Variants in TPD52 observed in about 807,000 individuals in gnomAD.
The protein encoded by TPD52 is prostate and colon associated protein.
TPD52 carries 17 observed loss-of-function variants against 31.3 expected under a neutral mutation model. The observed-to-expected ratio is 0.54, with a 90% CI of 0.37 to 0.82. TPD52 has a LOEUF of 0.82. TPD52 is among the 40% of genes least tolerant of loss of function. The probability of loss-of-function intolerance (pLI) is 0.00; values close to 1 mark genes in which losing one functional copy is unlikely to be tolerated. For synonymous variants in TPD52, 83 were observed against 89.6 expected (o/e 0.93, Z 0.42); for missense variants, 212 against 240.1 (o/e 0.88, Z 0.77).
At chr8:80,034,407 C>A (rs890327672), downstream of TPD52, among the ~76,000 whole-genome samples, 1 of 152,160 alleles carries the variant, frequency 6.6e-6, no homozygotes, top group Non-Finnish European at 1.5e-5. Context: ...GCCACTTCTG[C>A]AGAGCCTGCA....
At chr8:80,062,595 G>A (rs1586193146) in intron 2 of TPD52, among the ~76,000 whole-genome samples, 1 of 152,258 alleles carries the variant, frequency 6.6e-6, no homozygotes, top group South Asian at 2.1e-4. Flanking sequence ...TGTTGCCAGG[G>A]ATGTGGGGAA....
intron 1 of TPD52, among the ~76,000 whole-genome samples, chr8:80,140,116 G>A (rs991052908): frequency 2.0e-5 from 3 of 152,174 alleles, no homozygotes; most frequent in Middle Eastern, 3.2e-3. Context: ...ACGCTGGTTC[G>A]ATGCCTGCAT....
At chr8:80,063,664 G>A (rs1347840479) in intron 2 of TPD52, among the ~76,000 whole-genome samples, 1 of 151,880 alleles carries the variant, frequency 6.6e-6, no homozygotes, top group African/African-American at 2.4e-5. Flanking sequence ...GAGCACAGTG[G>A]CAGACGCCTG....
At chr8:80,112,435 C>T (rs1471383981) in intron 1 of TPD52, among the ~76,000 whole-genome samples, 1 of 152,194 alleles carries the variant, frequency 6.6e-6, no homozygotes, top group Non-Finnish European at 1.5e-5. Context: ...CTTGCTCTTC[C>T]TCCAAGATTT....
chr8:80,167,459 C>G (rs1194155212), intron 1 of TPD52, among the ~76,000 whole-genome samples: 1 of 152,154 alleles, frequency 6.6e-6, no homozygotes, highest in Non-Finnish European at 1.5e-5. Flanking sequence ...AGCTATTCCC[C>G]TAGGGACTAG....
intron 1 of TPD52, among the ~76,000 whole-genome samples, chr8:80,083,635 G>A (rs1425511734): frequency 6.6e-6 from 1 of 152,144 alleles, no homozygotes; most frequent in Non-Finnish European, 1.5e-5. Flanking sequence ...TAAGTTTCCT[G>A]AAGCCTCCCC....
chr8:80,168,783 G>A (rs1472350760), intron 1 of TPD52, among the ~76,000 whole-genome samples: 1 of 152,216 alleles, frequency 6.6e-6, no homozygotes, highest in Non-Finnish European at 1.5e-5. Context: ...AAACAGAACA[G>A]GAGAAAGTGG....
At chr8:80,161,728 ATATATTT>A (rs1361405092) in intron 1 of TPD52, among the ~76,000 whole-genome samples, 176 of 122,064 alleles carry the variant, frequency 1.4e-3, no homozygotes, top group Non-Finnish European at 2.1e-3. Context: ...ATATATATAT[ATATATTT>A]TTTTTTTTTT....
rs73265567 is a variant in TPD52 at position 80,129,660 on chromosome 8, G to A, written c.19+41765C>T. ...ACTTTAGCAATTAGAAAGGAGAACCGTGGCATCCTCCCCCGACTTCTCTCA... is the reference window on the plus strand; with the variant it reads ...ACTTTAGCAATTAGAAAGGAGAACCATGGCATCCTCCCCCGACTTCTCTCA... On this transcript the variant is annotated intron_variant, in intron 1 of 7. Coordinates refer to ENST00000518937, the MANE Select transcript of TPD52 (RefSeq NM_001025253.3). 2.6e-3 allele frequency among the ~76,000 whole-genome samples: 394 copies of A among 151,158 alleles called. 3 individuals carry two copies. The highest frequency in any genetic ancestry group is 8.7e-3 in the African/African-American group (358 of 41,182).
intron 2 of TPD52, among the ~76,000 whole-genome samples, chr8:80,058,951 C>G (rs1586181823): frequency 1.3e-5 from 2 of 152,106 alleles, no homozygotes; most frequent in African/African-American, 4.8e-5. Context: ...TTGAACAATA[C>G]CATACATCAA....
chr8:80,033,176 T>C (rs2130284963), downstream of TPD52: 1 of 152,564 alleles, frequency 6.6e-6, no homozygotes, highest in Non-Finnish European at 1.5e-5. Flanking sequence ...AGCTCAGAGA[T>C]GCCAGCAACC....
chr8:80,143,274 T>C (rs563431883), intron 1 of TPD52, among the ~76,000 whole-genome samples: 2 of 152,260 alleles, frequency 1.3e-5, no homozygotes, highest in Admixed American at 1.3e-4. Flanking sequence ...CTTCGAGAAG[T>C]TGTATCCAGA....
chr8:80,074,562 T>C (rs1814299517), intron 1 of TPD52, among the ~76,000 whole-genome samples: 1 of 152,198 alleles, frequency 6.6e-6, no homozygotes, highest in Non-Finnish European at 1.5e-5. Context: ...CTGGGCATCT[T>C]CCTGTGTAGC....
chr8:80,064,538 G>T lies in TPD52; in HGVS notation c.75C>A (p.Ile25=). ...PEEGEDVAAT[I]SATETLSEEE... is the part of the protein sequence containing the mutation. ...CTTCCGAGAGGGTCTCTGTGGCACT[G>T]ATCGTGGCAGCAACATCTTCTCCTT... The change falls in exon 2 of 8, where the codon ATC becomes ATA. Residue 25 remains isoleucine, a synonymous_variant. Coordinates refer to ENST00000518937, the MANE Select transcript of TPD52 (RefSeq NM_001025253.3). The T allele has an allele frequency of 6.2e-7, 1 of 1,614,160 alleles. No homozygotes were observed. The highest frequency in any genetic ancestry group is 1.3e-5 in the African/African-American group (1 of 75,044).
At chr8:80,124,410 C>G (rs1225263761) in intron 1 of TPD52, among the ~76,000 whole-genome samples, 1 of 152,084 alleles carries the variant, frequency 6.6e-6, no homozygotes, top group African/African-American at 2.4e-5. Flanking sequence ...TGGGCTCAAG[C>G]AGTCCACCCT....
intron 1 of TPD52, among the ~76,000 whole-genome samples, chr8:80,166,342 C>T (rs935230556): frequency 6.6e-6 from 1 of 151,894 alleles, no homozygotes; most frequent in African/African-American, 2.4e-5. Context: ...AAGCGATTCT[C>T]CCGCCTCAGC....
At position 80,166,613 on chromosome 8, in the gene TPD52, T is replaced by A. The variant is rs550315277; in HGVS notation, c.19+4812A>T. The stretch of plus-strand genomic sequence containing the variant: ...ATGCAATATTCAATAAGAAATTTTG[T>A]GATTTGTTGGCCGGGCACAGTGGCT... On this transcript the variant is annotated intron_variant, in intron 1 of 7. Transcript: ENST00000518937. 2.0e-5 allele frequency among the ~76,000 whole-genome samples: 3 copies of A among 151,822 alleles called. No individual in the cohort carries two copies. The South Asian group carries it at 6.3e-4, about 32-fold the overall frequency.
At chr8:80,127,761 C>G (rs1196808105) in intron 1 of TPD52, 1 of 151,056 alleles carries the variant, frequency 6.6e-6, no homozygotes, top group Admixed American at 6.6e-5. Context: ...CTGACAAATA[C>G]AGGTCCCACT....
At chr8:80,129,385 G>A (rs1307360184) in intron 1 of TPD52, among the ~76,000 whole-genome samples, 1 of 152,136 alleles carries the variant, frequency 6.6e-6, no homozygotes, top group Non-Finnish European at 1.5e-5. Flanking sequence ...GTATGCTCAT[G>A]AAATTTACAT....
Sources: gnomAD v4.1 joint callset for allele counts (sites outside exome capture counted in the v4.1 genomes callset) on GRCh38, gnomAD v4.1.1 for gene constraint, MANE v1.5 for transcripts, NCBI Gene and HGNC (gene_info 2026-07-23, HGNC 2026-07-21) for gene names.